Variants in ATP8B4 observed in about 807,000 individuals in gnomAD.
ATP8B4 encodes the protein probable phospholipid-transporting ATPase IM.
ATP8B4 carries 133 observed loss-of-function variants against 145.6 expected under a neutral mutation model. The ratio of observed to expected loss-of-function variants is 0.91; its 90% CI spans 0.79 to 1.05. ATP8B4 has a LOEUF of 1.05. Among genes scored for constraint, ATP8B4 ranks in the 50% least tolerant of loss-of-function variants. The probability of loss-of-function intolerance (pLI) is 0.00; values close to 1 mark genes in which losing one functional copy is unlikely to be tolerated. For missense variants in ATP8B4, 1,458 were observed against 1,425.2 expected, an observed-to-expected ratio of 1.02 and a Z score of -0.37; for synonymous variants, 507 against 492.9, an observed-to-expected ratio of 1.03 and a Z score of -0.38.
At chr15:49,983,487 C>G (rs921921752) in intron 10 of ATP8B4, among the ~76,000 whole-genome samples, 1 of 152,164 alleles carries the variant, frequency 6.6e-6, no homozygotes, top group Non-Finnish European at 1.5e-5. Context: ...CTACTTCCCT[C>G]TCCTTTCCTA....
intron 1 of ATP8B4, among the ~76,000 whole-genome samples, chr15:50,171,137 C>G (rs1411324731): frequency 6.6e-6 from 1 of 152,156 alleles, no homozygotes; most frequent in African/African-American, 2.4e-5. Context: ...CCACTGACAG[C>G]ACTAGACAGG....
rs189331588 is a variant in ATP8B4, at chr15:50,044,568, A to G, written c.300+26T>C. On this transcript the variant is annotated intron_variant, in intron 5 of 27. Coordinates refer to ENST00000284509, the MANE Select transcript of ATP8B4 (RefSeq NM_024837.4). ...AAGCCACAACTGAAATTGAGACCTC[A>G]AGAATGCTCAAGAGCAAATACTCAC... The G allele has an allele frequency of 3.0e-3, 4,488 of 1,509,856 alleles. 7 individuals are homozygous for G. The highest frequency in any genetic ancestry group is 3.9e-3 in the Admixed American group (216 of 55,836). 93.5% of individuals were successfully genotyped at this position (1,509,856 alleles called of 1,614,324 possible).
At chr15:49,883,838 C>G (rs148040802) in intron 23 of ATP8B4, among the ~76,000 whole-genome samples, 382 of 151,982 alleles carry the variant, frequency 2.5e-3, no homozygotes, top group African/African-American at 8.9e-3. Flanking sequence ...AAGTATAGTT[C>G]AGAACCTTTT....
chr15:50,002,052 T>C, intron 8 of ATP8B4, 101 bp downstream of exon 8: 1 of 948,956 alleles, frequency 1.1e-6, no homozygotes, highest in Non-Finnish European at 1.6e-6. Context: ...AACTCCTATG[T>C]CTCCCAAGAA....
At chr15:49,898,728 G>C (rs944721430) in intron 21 of ATP8B4, among the ~76,000 whole-genome samples, 2 of 152,112 alleles carry the variant, frequency 1.3e-5, no homozygotes, top group African/African-American at 4.8e-5. Context: ...TTAATGTGCA[G>C]GCAAAATGAA....
At chr15:49,949,645 T>C (rs2042894279) in intron 14 of ATP8B4, among the ~76,000 whole-genome samples, 1 of 152,132 alleles carries the variant, frequency 6.6e-6, no homozygotes, top group African/African-American at 2.4e-5. Context: ...CTCTTCCTAT[T>C]TGAATACCCT....
At chr15:49,987,591 C>A in intron 9 of ATP8B4, 42 bp from the exon 10 acceptor site, 1 of 1,579,366 alleles carries the variant, frequency 6.3e-7, no homozygotes, top group South Asian at 1.2e-5. Flanking sequence ...TATGACTCAC[C>A]CAAAATTCTC....
rs375326365 is a variant in ATP8B4, at chr15:49,994,099, T to G, written c.589+2578A>C. On this transcript the variant is annotated intron_variant, in intron 9 of 27. Transcript: ENST00000284509. ...TTACCTCATCTGAGAGGAAAATGTT[T>G]TCAGCCTGAGCAACATCACTTGTAT... 2.8e-4 allele frequency among the ~76,000 whole-genome samples: 43 copies of G among 152,302 alleles called. No homozygotes were observed. In the South Asian group the frequency reaches 7.2e-3, roughly 26 times the overall value.
intron 6 of ATP8B4, among the ~76,000 whole-genome samples, chr15:50,023,203 C>T (rs1321171471): frequency 6.6e-6 from 1 of 152,120 alleles, no homozygotes; most frequent in Non-Finnish European, 1.5e-5. Context: ...TATTTATAGT[C>T]TGTAAAAATA....
At chr15:50,126,571 C>CTTCTCTACAGAACCA (rs1311791593) in intron 1 of ATP8B4, among the ~76,000 whole-genome samples, 1 of 152,198 alleles carries the variant, frequency 6.6e-6, no homozygotes, top group Non-Finnish European at 1.5e-5. Context: ...GAGAACCAAA[C>CTTCTCTACAGAACCA]ATCTTATGAC....
chr15:50,173,268 G>C (rs1489829644), intron 1 of ATP8B4, among the ~76,000 whole-genome samples: 1 of 152,210 alleles, frequency 6.6e-6, no homozygotes, highest in Non-Finnish European at 1.5e-5. Flanking sequence ...GGAAATGTGG[G>C]GAAAAGAAAG....
Position 49,934,186 on chromosome 15 carries a change from T to C in ATP8B4, c.1288-4A>G. The C allele has an allele frequency of 1.9e-6, 3 of 1,598,604 alleles. No homozygotes were observed. The highest frequency in any genetic ancestry group is 2.6e-6 in the Non-Finnish European group (3 of 1,174,894). ...AGAAATCCACAGGCTCTTTTTCCTG[T>C]AGGAGAACAACAACAACAAAAATAA... On this transcript the variant is annotated splice_region_variant and splice_polypyrimidine_tract_variant and intron_variant, in intron 14 of 27. Coordinates refer to ENST00000284509, the MANE Select transcript of ATP8B4 (RefSeq NM_024837.4).
intron 14 of ATP8B4, among the ~76,000 whole-genome samples, chr15:49,941,699 C>T (rs552418292): frequency 1.3e-5 from 2 of 152,112 alleles, no homozygotes; most frequent in South Asian, 4.1e-4. Flanking sequence ...GGTATCTACC[C>T]AAAGGAAAAT....
At chr15:49,870,247 C>T (rs2033471405) in intron 25 of ATP8B4, among the ~76,000 whole-genome samples, 1 of 151,980 alleles carries the variant, frequency 6.6e-6, no homozygotes, top group Middle Eastern at 3.2e-3. Context: ...AAGCATATTA[C>T]AGAACAGTAT....
At chr15:49,974,977 C>T (rs1173728831) in intron 12 of ATP8B4, among the ~76,000 whole-genome samples, 10 of 152,088 alleles carry the variant, frequency 6.6e-5, no homozygotes, top group African/African-American at 1.4e-4. Flanking sequence ...ACTGGCAATA[C>T]GTACAAGAAA....
intron 1 of ATP8B4, among the ~76,000 whole-genome samples, chr15:50,156,598 G>A (rs999036254): frequency 6.6e-6 from 1 of 152,114 alleles, no homozygotes; most frequent in Non-Finnish European, 1.5e-5. Flanking sequence ...GAGAGACAGA[G>A]ATAAACAAAA....
intron 3 of ATP8B4, among the ~76,000 whole-genome samples, chr15:50,047,868 G>A (rs778206254): frequency 1.2e-4 from 18 of 152,184 alleles, no homozygotes; most frequent in African/African-American, 3.6e-4. Context: ...AGATACCTCC[G>A]ACAAGGGGCT....
intron 6 of ATP8B4, among the ~76,000 whole-genome samples, chr15:50,012,779 C>T (rs1453260770): frequency 1.3e-5 from 2 of 152,062 alleles, no homozygotes; most frequent in African/African-American, 2.4e-5. Context: ...ATTGGTAAAC[C>T]ATAGTCTGTG....
intron 13 of ATP8B4, among the ~76,000 whole-genome samples, chr15:49,970,575 G>A (rs1436611820): frequency 6.6e-6 from 1 of 152,154 alleles, no homozygotes; most frequent in African/African-American, 2.4e-5. Context: ...GGAATGCGAA[G>A]GACCTTTTCA....
Sources: allele counts gnomAD v4.1 joint callset (sites outside exome capture counted in the v4.1 genomes callset), GRCh38; gene constraint gnomAD v4.1.1; transcripts MANE v1.5; gene names NCBI Gene and HGNC (gene_info 2026-07-23, HGNC 2026-07-21).